The following CCDC171 variants were observed in gnomAD, a reference collection of about 807,000 sequenced individuals.
CCDC171 encodes the protein coiled-coil domain containing 171, also known as coiled-coil domain-containing protein 171.
A neutral mutation model predicts 168.2 loss-of-function variants in CCDC171; 177 were observed. That is an observed-to-expected ratio of 1.05 (90% CI 0.93 to 1.19). The LOEUF is 1.19. CCDC171 is among the 50% of genes most tolerant of loss of function. CCDC171 has a pLI of 0.00. For missense variants in CCDC171, 1,991 were observed against 1,539.0 expected (o/e 1.29, Z -4.91); for synonymous variants, 687 against 540.8 (o/e 1.27, Z -3.75).
chr9:15,778,019 C>T (rs764925046), intron 19 of CCDC171, among the ~76,000 whole-genome samples, 193 bp downstream of exon 19: 3 of 152,116 alleles, frequency 2.0e-5, no homozygotes, highest in South Asian at 4.1e-4. Context: ...AATCACTGGC[C>T]GGGCGCGGTG....
At chr9:15,627,007 C>T (rs1000930266) in intron 7 of CCDC171, among the ~76,000 whole-genome samples, 3 of 152,120 alleles carry the variant, frequency 2.0e-5, no homozygotes, top group Non-Finnish European at 4.4e-5. Context: ...TGTTATTGGT[C>T]TATTTTGGGA....
At chr9:15,864,105 A>G (rs1388590979) in intron 23 of CCDC171, among the ~76,000 whole-genome samples, 1 of 152,008 alleles carries the variant, frequency 6.6e-6, no homozygotes, top group Non-Finnish European at 1.5e-5. Context: ...TGGTTACTGT[A>G]AACTTTCAGT....
At chr9:15,997,200 G>T (rs951981458) in intron 3 of CCDC171, among the ~76,000 whole-genome samples, 1 of 152,160 alleles carries the variant, frequency 6.6e-6, no homozygotes, top group East Asian at 1.9e-4. Context: ...CAGAGAGAGA[G>T]ACTCAAACCA....
chr9:15,602,979 T>G (rs2042972517), intron 6 of CCDC171, among the ~76,000 whole-genome samples: 1 of 152,056 alleles, frequency 6.6e-6, no homozygotes, highest in Admixed American at 6.6e-5. Context: ...TTTTAATTTT[T>G]ATTTATTTAT....
chr9:16,017,240 T>C (rs898890496), intron 3 of CCDC171, among the ~76,000 whole-genome samples: 1 of 152,190 alleles, frequency 6.6e-6, no homozygotes, highest in East Asian at 1.9e-4. Context: ...CCCATTTTTA[T>C]TGGTATATTG....
chr9:15,645,426 G>A (rs1408624193), intron 7 of CCDC171, among the ~76,000 whole-genome samples: 1 of 152,208 alleles, frequency 6.6e-6, no homozygotes, highest in African/African-American at 2.4e-5. Flanking sequence ...GGCTTTAGAT[G>A]ATCGGTAATA....
At chr9:15,964,608 C>T (rs1334163349) in intron 25 of CCDC171, among the ~76,000 whole-genome samples, 1 of 152,026 alleles carries the variant, frequency 6.6e-6, no homozygotes, top group Non-Finnish European at 1.5e-5. Context: ...GAACAAAAGC[C>T]ACCTGGGAGA....
At chr9:15,847,255 A>C (rs2060938700) in intron 22 of CCDC171, among the ~76,000 whole-genome samples, 1 of 152,094 alleles carries the variant, frequency 6.6e-6, no homozygotes, top group East Asian at 1.9e-4. Context: ...ATTGCGAGTA[A>C]TATTTCCATA....
intron 25 of CCDC171, among the ~76,000 whole-genome samples, chr9:15,952,083 C>T (rs112883300): frequency 0.011 from 1,616 of 152,250 alleles, 17 homozygotes; most frequent in South Asian, 0.037. Flanking sequence ...TCTTCAACTT[C>T]ATTCTTTTGC....
chr9:15,841,160 A>G (rs796083852), intron 21 of CCDC171, among the ~76,000 whole-genome samples: 7 of 152,154 alleles, frequency 4.6e-5, no homozygotes, highest in African/African-American at 1.4e-4. Context: ...CATCTGTCAC[A>G]TGGCCTATTT....
chr9:15,553,470 A>G (rs1194119668), intron 1 of CCDC171, 168 bp downstream of exon 1: 1 of 152,192 alleles, frequency 6.6e-6, no homozygotes, highest in Non-Finnish European at 1.5e-5. Flanking sequence ...CTGGAGGAAG[A>G]TCTCCGTGGA....
chr9:15,869,100 G>A (rs80110777), intron 23 of CCDC171, among the ~76,000 whole-genome samples: 104 of 152,044 alleles, frequency 6.8e-4, no homozygotes, highest in African/African-American at 2.4e-3. Context: ...GACAGATGCA[G>A]CTTAAAATAT....
intron 21 of CCDC171, among the ~76,000 whole-genome samples, chr9:15,813,107 T>G (rs766970653): frequency 4.6e-5 from 7 of 152,250 alleles, no homozygotes; most frequent in Non-Finnish European, 7.3e-5. Context: ...ACTGGCTAAC[T>G]GTTCTTCAAG....
intron 22 of CCDC171, among the ~76,000 whole-genome samples, chr9:15,847,779 G>C (rs2060964091): frequency 6.6e-6 from 1 of 151,916 alleles, no homozygotes; most frequent in African/African-American, 2.4e-5. Context: ...ACTGAACAAG[G>C]AATCCACAAT....
intron 25 of CCDC171, among the ~76,000 whole-genome samples, chr9:15,926,249 A>G (rs917592083): frequency 6.6e-6 from 1 of 151,742 alleles, no homozygotes; most frequent in East Asian, 1.9e-4. Context: ...TGGATAGTAC[A>G]TATGTTTAAT....
At chr9:15,822,526 A>G (rs1588692502) in intron 21 of CCDC171, among the ~76,000 whole-genome samples, 1 of 152,230 alleles carries the variant, frequency 6.6e-6, no homozygotes, top group African/African-American at 2.4e-5. Flanking sequence ...TGGGCGAAGG[A>G]TATGAACAGA....
intron 9 of CCDC171, among the ~76,000 whole-genome samples, chr9:15,675,488 T>G (rs1267528017): frequency 1.3e-5 from 2 of 152,084 alleles, no homozygotes; most frequent in African/African-American, 4.8e-5. Flanking sequence ...TACAATTTGG[T>G]ATGTTTTTGC....
At chr9:15,957,496 C>T (rs1399750873) in intron 25 of CCDC171, among the ~76,000 whole-genome samples, 1 of 152,164 alleles carries the variant, frequency 6.6e-6, no homozygotes, top group Non-Finnish European at 1.5e-5. Flanking sequence ...GTTCTCTAAG[C>T]TGTTTCCCCC....
At chr9:15,942,728 G>T (rs935380206) in intron 25 of CCDC171, among the ~76,000 whole-genome samples, 2 of 151,818 alleles carry the variant, frequency 1.3e-5, no homozygotes, top group African/African-American at 4.8e-5. Context: ...CATAATTTCT[G>T]CAACAGATTG....
Sources: gnomAD v4.1 joint callset for allele counts (sites outside exome capture counted in the v4.1 genomes callset) on GRCh38, gnomAD v4.1.1 for gene constraint, MANE v1.5 for transcripts, NCBI Gene and HGNC (gene_info 2026-07-23, HGNC 2026-07-21) for gene names.